Variants in OR51C1 observed in about 807,000 individuals in gnomAD.
OR51C1 encodes the protein olfactory receptor OR51C1.
chr11:4,690,718 C>T, the OR51C1 span: 5 of 344,288 alleles, frequency 1.5e-5, no homozygotes, highest in South Asian at 1.2e-4. Context: ...CTGAAGTATA[C>T]CATCTTGAGG....
At chr11:4,695,728 C>T in the OR51C1 span, among the ~76,000 whole-genome samples, 45 of 152,194 alleles carry the variant, frequency 3.0e-4, no homozygotes, top group South Asian at 9.3e-3. Context: ...ACCTCCTCCT[C>T]CTTGAAACTT....
At chr11:4,694,036 GC>G in the OR51C1 span, among the ~76,000 whole-genome samples, 1 of 152,132 alleles carries the variant, frequency 6.6e-6, no homozygotes, top group East Asian at 1.9e-4. Context: ...TAGTTCCTAC[GC>G]AATATCTGAG....
the OR51C1 span, among the ~76,000 whole-genome samples, chr11:4,695,820 C>T: frequency 6.6e-6 from 1 of 151,764 alleles, no homozygotes; most frequent in South Asian, 2.1e-4. Flanking sequence ...TGTTCTCTGC[C>T]TTATAAATTG....
the OR51C1 span, among the ~76,000 whole-genome samples, chr11:4,692,603 A>G: frequency 3.3e-5 from 5 of 152,356 alleles, no homozygotes; most frequent in East Asian, 9.6e-4. Flanking sequence ...AAAGGTAGAT[A>G]GATGGGTATG....
the OR51C1 span, chr11:4,690,865 T>C: frequency 2.2e-6 from 1 of 456,558 alleles, no homozygotes; most frequent in Non-Finnish European, 4.4e-6. Context: ...AGGTAGGTGT[T>C]AGCAATCATA....
At chr11:4,693,539 G>A in the OR51C1 span, among the ~76,000 whole-genome samples, 1 of 152,150 alleles carries the variant, frequency 6.6e-6, no homozygotes, top group Non-Finnish European at 1.5e-5. Context: ...GGCTAACATG[G>A]TGAAACCTCG....
chr11:4,695,794 T>G, the OR51C1 span, among the ~76,000 whole-genome samples: 1 of 152,038 alleles, frequency 6.6e-6, no homozygotes, highest in South Asian at 2.1e-4. Context: ...TTTTCCTGTT[T>G]GTTAAACAAT....
At chr11:4,696,464 A>G in the OR51C1 span, among the ~76,000 whole-genome samples, 3 of 152,230 alleles carry the variant, frequency 2.0e-5, no homozygotes, top group Admixed American at 6.5e-5. Context: ...AAAAGATGAG[A>G]ACCTCGGGAG....
chr11:4,693,421 T>C, the OR51C1 span, among the ~76,000 whole-genome samples: 1 of 152,176 alleles, frequency 6.6e-6, no homozygotes, highest in Non-Finnish European at 1.5e-5. Flanking sequence ...CAGAACGGCA[T>C]GTGTAAAAGT....
chr11:4,691,470 GATA>G, the OR51C1 span: 1 of 456,468 alleles, frequency 2.2e-6, no homozygotes, highest in East Asian at 6.9e-5. Context: ...GACCAGAGTG[GATA>G]TGGACAGGCC....
At chr11:4,691,465 G>C in the OR51C1 span, 21 of 456,782 alleles carry the variant, frequency 4.6e-5, no homozygotes, top group Non-Finnish European at 9.3e-5. Flanking sequence ...ATGGTGACCA[G>C]AGTGGATATG....
the OR51C1 span, among the ~76,000 whole-genome samples, chr11:4,694,575 T>C: frequency 0.13 from 19,707 of 147,852 alleles, 1,463 homozygotes; most frequent in Middle Eastern, 0.19. Flanking sequence ...CATATATATA[T>C]ACACACACAC....
At chr11:4,693,880 G>C in the OR51C1 span, among the ~76,000 whole-genome samples, 1 of 152,128 alleles carries the variant, frequency 6.6e-6, no homozygotes, top group East Asian at 1.9e-4. Flanking sequence ...ACCCCACTTA[G>C]AGAGTTTATA....
chr11:4,693,449 C>T, the OR51C1 span, among the ~76,000 whole-genome samples: 7 of 152,262 alleles, frequency 4.6e-5, no homozygotes, highest in East Asian at 3.9e-4. Context: ...AGGCTGGGCG[C>T]GGTGGCTCAC....
At chr11:4,691,159 A>G in the OR51C1 span, 3 of 456,640 alleles carry the variant, frequency 6.6e-6, no homozygotes, top group African/African-American at 2.0e-5. Context: ...TCAGGGTGGT[A>G]GCAGTAGGAG....
the OR51C1 span, chr11:4,691,138 G>T: frequency 4.4e-6 from 2 of 456,636 alleles, no homozygotes; most frequent in East Asian, 1.4e-4. Flanking sequence ...GTGCATGAGA[G>T]CTTCATCACA....
the OR51C1 span, among the ~76,000 whole-genome samples, chr11:4,697,163 T>C: frequency 6.6e-6 from 1 of 152,190 alleles, no homozygotes; most frequent in South Asian, 2.1e-4. Context: ...CTGGTGAAAG[T>C]CAGAGCTGAA....
the OR51C1 span, among the ~76,000 whole-genome samples, chr11:4,694,692 A>G: frequency 1.3e-5 from 2 of 152,206 alleles, no homozygotes; most frequent in Non-Finnish European, 2.9e-5. Flanking sequence ...TACATGCCAG[A>G]CAGCGTCTAT....
At chr11:4,690,774 T>A in the OR51C1 span, 49 of 408,090 alleles carry the variant, frequency 1.2e-4, 1 homozygote, top group African/African-American at 9.1e-4. Context: ...TTCTTTGGAA[T>A]GGAGAATTTT....
Sources: allele counts gnomAD v4.1 joint callset (sites outside exome capture counted in the v4.1 genomes callset), GRCh38; gene constraint gnomAD v4.1.1; transcripts MANE v1.5; gene names NCBI Gene and HGNC (gene_info 2026-07-23, HGNC 2026-07-21).